Variants in GABRG3 observed in about 807,000 individuals in gnomAD.
GABRG3 encodes the protein gamma-aminobutyric acid type A receptor subunit gamma3, also known as gamma-aminobutyric acid receptor subunit gamma-3.
In GABRG3, 25 loss-of-function variants were observed where a neutral mutation model predicts 48.8. The observed-to-expected ratio is 0.51, with a 90% confidence interval of 0.37 to 0.72. GABRG3 has a LOEUF of 0.72. Among genes scored for constraint, GABRG3 ranks in the 30% least tolerant of loss-of-function variants. The pLI is 0.00. For synonymous variants in GABRG3, 227 were observed against 217.6 expected, an observed-to-expected ratio of 1.04 and a Z score of -0.38; for missense variants, 394 against 577.9, an observed-to-expected ratio of 0.68 and a Z score of 3.26.
At chr15:27,054,551 G>GC (rs1896509170) in intron 3 of GABRG3, among the ~76,000 whole-genome samples, 1 of 152,204 alleles carries the variant, frequency 6.6e-6, no homozygotes, top group Non-Finnish European at 1.5e-5. Flanking sequence ...AAGGCTGTAA[G>GC]ACTTGACTGA....
chr15:27,446,753 T>C (rs1164275924), intron 5 of GABRG3, among the ~76,000 whole-genome samples: 2 of 152,164 alleles, frequency 1.3e-5, no homozygotes, highest in Admixed American at 1.3e-4. Flanking sequence ...GCTCAAGTAT[T>C]ACTAGGATGG....
chr15:27,519,996 AT>A lies in GABRG3; in HGVS notation c.741del (p.Phe247LeufsTer3). 6.4e-7 allele frequency: 1 copy of A among 1,569,974 alleles called. No individual in the cohort carries two copies. The highest frequency in any genetic ancestry group is 1.2e-5 in the South Asian group (1 of 84,496). On this transcript the variant is annotated frameshift_variant, in exon 7 of 10. Transcript: ENST00000615808. LOFTEE classifies it high-confidence loss of function. ...SAGDYVVMTI[Y>X]FELSRRMGYF... ...GGTGATTATGTTGTCATGACTATAT[AT>A]TTTGAATTGAGTAGAAGAATGGGAT...
chr15:27,070,975 C>T (rs1896817643), intron 3 of GABRG3, among the ~76,000 whole-genome samples: 1 of 152,188 alleles, frequency 6.6e-6, no homozygotes, highest in Admixed American at 6.5e-5. Flanking sequence ...CCTCCTGAAG[C>T]GCTGGGAGAA....
At chr15:27,285,449 A>T (rs1159699752) in intron 3 of GABRG3, among the ~76,000 whole-genome samples, 1 of 152,176 alleles carries the variant, frequency 6.6e-6, no homozygotes, top group African/African-American at 2.4e-5. Context: ...AAATGGAATT[A>T]CAATGTCCCC....
intron 3 of GABRG3, among the ~76,000 whole-genome samples, chr15:27,083,426 G>A (rs578226723): frequency 3.5e-4 from 52 of 148,734 alleles, no homozygotes; most frequent in African/African-American, 6.2e-4. Flanking sequence ...TCCGCCACCC[G>A]GATTCAAGCG....
At position 27,225,381 on chromosome 15, in the gene GABRG3, C is replaced by A. The variant is rs905578327; in HGVS notation, c.271-101428C>A. On this transcript the variant is annotated intron_variant, in intron 3 of 9. Coordinates refer to ENST00000615808, the MANE Select transcript of GABRG3 (RefSeq NM_033223.5). ...GGCAGGCAGGTAGCAGAATCGGAGC[C>A]GGTGCTTAGGGTGGACTGCCAATTG... 1.3e-5 allele frequency among the ~76,000 whole-genome samples: 2 copies of A among 151,956 alleles called. 1 individual carries two copies. The highest frequency in any genetic ancestry group is 4.8e-5 in the African/African-American group (2 of 41,340).
intron 3 of GABRG3, among the ~76,000 whole-genome samples, chr15:27,245,934 T>G (rs1022431301): frequency 2.6e-5 from 4 of 152,328 alleles, no homozygotes; most frequent in Middle Eastern, 6.8e-3. Context: ...GACACCAGCA[T>G]CTGCTTCTGG....
chr15:26,977,153 G>C lies in GABRG3; in HGVS notation c.202+3G>C. On this transcript the variant is annotated splice_donor_region_variant and intron_variant, in intron 2 of 9. Coordinates refer to ENST00000615808, the MANE Select transcript of GABRG3 (RefSeq NM_033223.5). ...AAAGCTGAGGCCAGATATTGGAAGT[G>C]AGTGTTGTTTTTTGTTATTCTAATA... 6.2e-7 allele frequency: 1 copy of C among 1,608,234 alleles called. No homozygotes were observed. The highest frequency in any genetic ancestry group is 1.1e-5 in the South Asian group (1 of 90,472).
chr15:27,133,605 C>T (rs1458335234), intron 3 of GABRG3, among the ~76,000 whole-genome samples: 3 of 152,224 alleles, frequency 2.0e-5, no homozygotes, highest in Non-Finnish European at 4.4e-5. Flanking sequence ...GCTAGTTGCT[C>T]TGCTTCCAAG....
At chr15:27,211,103 AT>A (rs1889064882) in intron 3 of GABRG3, among the ~76,000 whole-genome samples, 2 of 152,104 alleles carry the variant, frequency 1.3e-5, no homozygotes, top group African/African-American at 4.8e-5. Flanking sequence ...GAATGAACCA[AT>A]GAGGAAACAC....
At chr15:27,008,042 ATAC>A (rs1181889277) in intron 2 of GABRG3, among the ~76,000 whole-genome samples, 7 of 152,218 alleles carry the variant, frequency 4.6e-5, no homozygotes, top group South Asian at 4.1e-4. Context: ...CTTACTAAAC[ATAC>A]TACAGCTAGT....
intron 3 of GABRG3, among the ~76,000 whole-genome samples, chr15:27,196,781 C>T (rs755635083): frequency 1.3e-5 from 2 of 152,154 alleles, no homozygotes; most frequent in Admixed American, 6.5e-5. Context: ...CCATCTGGAT[C>T]GTAGCTCTTC....
intron 3 of GABRG3, among the ~76,000 whole-genome samples, chr15:27,133,491 A>T (rs1897956735): frequency 6.6e-6 from 1 of 152,140 alleles, no homozygotes; most frequent in African/African-American, 2.4e-5. Context: ...TGGATTACTT[A>T]TGGCTCAATC....
chr15:27,198,447 T>C (rs1489200711), intron 3 of GABRG3, among the ~76,000 whole-genome samples: 1 of 152,230 alleles, frequency 6.6e-6, no homozygotes, highest in Non-Finnish European at 1.5e-5. Flanking sequence ...CACAATGTGG[T>C]ACCATCTCAA....
At chr15:27,380,509 A>G (rs1415980883) in intron 5 of GABRG3, among the ~76,000 whole-genome samples, 1 of 151,922 alleles carries the variant, frequency 6.6e-6, no homozygotes, top group East Asian at 1.9e-4. Flanking sequence ...TTGGAAGTAA[A>G]TTAGTCTTTA....
intron 3 of GABRG3, among the ~76,000 whole-genome samples, chr15:27,308,763 C>T (rs1439457700): frequency 1.3e-5 from 2 of 149,188 alleles, no homozygotes; most frequent in Non-Finnish European, 3.0e-5. Context: ...ATAATGTAAA[C>T]ATACGTTTAT....
intron 5 of GABRG3, among the ~76,000 whole-genome samples, chr15:27,465,537 G>A (rs913435395): frequency 3.2e-4 from 48 of 152,162 alleles, no homozygotes; most frequent in African/African-American, 1.1e-3. Context: ...ATTTTATACC[G>A]AATTCCCTAT....
At position 27,319,821 on chromosome 15, in the gene GABRG3, G is replaced by A. The variant is rs1462829950; in HGVS notation, c.271-6988G>A. 6.6e-6 allele frequency among the ~76,000 whole-genome samples: 1 copy of A among 152,134 alleles called. No homozygotes were observed. Among genetic ancestry groups the A allele is most frequent in the Non-Finnish European group, 1.5e-5 (1 of 68,030 alleles). On this transcript the variant is annotated intron_variant, in intron 3 of 9. Transcript: ENST00000615808. The surrounding 1 kb of genome is among the most constrained non-coding windows in gnomAD (Gnocchi z 4.4). ...ATTAACCCCAATTCTGTAGGCTCTG[G>A]GTAGCCATGATACATTTTTTTAATA...
intron 3 of GABRG3, among the ~76,000 whole-genome samples, chr15:27,146,389 G>A (rs1413411585): frequency 3.9e-5 from 6 of 152,070 alleles, no homozygotes; most frequent in African/African-American, 7.2e-5. Context: ...CCTGGGATGC[G>A]GAGCTTGCAG....
Sources: allele counts gnomAD v4.1 joint callset (sites outside exome capture counted in the v4.1 genomes callset), GRCh38; gene constraint gnomAD v4.1.1; non-coding constraint Gnocchi (gnomAD v3.1); transcripts MANE v1.5; gene names NCBI Gene and HGNC (gene_info 2026-07-23, HGNC 2026-07-21).